Variants in RNF126 observed in about 807,000 individuals in gnomAD.
The protein encoded by RNF126 is ring finger protein 126.
In RNF126, 20 loss-of-function variants were observed where a neutral mutation model predicts 41.9. The ratio of observed to expected loss-of-function variants is 0.48; its 90% CI spans 0.34 to 0.69. The LOEUF (loss-of-function observed/expected upper bound fraction) is 0.69. Among genes scored for constraint, RNF126 ranks in the 30% least tolerant of loss-of-function variants. The pLI is 0.01. For synonymous variants in RNF126, 239 were observed against 202.9 expected, an observed-to-expected ratio of 1.18 and a Z score of -1.51; for missense variants, 433 against 460.6, an observed-to-expected ratio of 0.94 and a Z score of 0.55.
intron 1 of RNF126, among the ~76,000 whole-genome samples, chr19:660,281 GC>G (rs2030740794): frequency 6.6e-6 from 1 of 152,254 alleles, no homozygotes; most frequent in South Asian, 2.1e-4. Flanking sequence ...GGCCAAGGCT[GC>G]CCAGCAGAGA....
intron 3 of RNF126, 44 bp downstream of exon 3, chr19:652,189 G>C (rs1281970720): frequency 6.8e-7 from 1 of 1,465,298 alleles, no homozygotes; most frequent in East Asian, 2.6e-5. Context: ...GGGGCCCCGA[G>C]CAAGGCTGAC....
chr19:648,196 A>G lies in RNF126; in HGVS notation c.868T>C (p.Phe290Leu), dbSNP rs772925012. The change falls in exon 9 of 9, where the codon TTC becomes CTC. Residue 290 changes from phenylalanine (F) to leucine (L), a missense_variant. This residue lies in a region of RNF126 where 63 missense variants were observed against 47.9 expected (regional missense o/e 1.32). Transcript: ENST00000292363. ...GAGGACGATGACGACGAGGAGGAGA[A>G]GCTCACCCCAGTGAGGCCAGGGGGG... ...TNPPGLTGVS[F>L]SSSSSSSSSS... 6 of 1,606,462 alleles carry G rather than the reference A, an allele frequency of 3.7e-6. No homozygotes were observed. The highest frequency in any genetic ancestry group is 1.7e-4 in the Middle Eastern group (1 of 6,042).
chr19:654,208 C>CA (rs373019907), intron 1 of RNF126, among the ~76,000 whole-genome samples: 7 of 152,178 alleles, frequency 4.6e-5, no homozygotes, highest in African/African-American at 1.7e-4. Context: ...GGTGAGCAAA[C>CA]GATGCCAGAT....
chr19:660,222 C>T (rs1033092448), intron 1 of RNF126, among the ~76,000 whole-genome samples: 3 of 152,238 alleles, frequency 2.0e-5, no homozygotes, highest in African/African-American at 7.2e-5. Flanking sequence ...CCAGATGCCA[C>T]GGGGAGCGAA....
At chr19:662,803 G>C (rs924427781) in intron 1 of RNF126, among the ~76,000 whole-genome samples, 1 of 152,056 alleles carries the variant, frequency 6.6e-6, no homozygotes, top group African/African-American at 2.4e-5. Context: ...CCGCTGCGCC[G>C]CTCCGGCCAG....
At chr19:650,341 C>A (rs987176629) in intron 4 of RNF126, 45 bp from the exon 5 acceptor site, 2 of 1,541,974 alleles carry the variant, frequency 1.3e-6, no homozygotes, top group South Asian at 1.2e-5. Flanking sequence ...GCCCCACGCA[C>A]AGGAGAGGCG....
At chr19:663,005 C>T (rs2030876918) in intron 1 of RNF126, 42 bp downstream of exon 1, 5 of 1,136,412 alleles carry the variant, frequency 4.4e-6, no homozygotes, top group South Asian at 2.2e-5. Flanking sequence ...CTCAGGCCTG[C>T]GGCGCAGACC....
chr19:651,518 C>T lies in RNF126; in HGVS notation c.443+93G>A. The T allele has an allele frequency of 7.8e-6, 10 of 1,276,974 alleles. No homozygotes were observed. In the South Asian group the frequency reaches 1.7e-4, roughly 21 times the overall value. The allele number at this position is 1,276,974 out of a possible 1,614,324, so 79.1% of individuals were successfully genotyped here. ...TCTCCAGAGAGCCTATGGATGATGC[C>T]ACGTTTCCGTGGAACCCGTGCTGGA... is the stretch of plus-strand genomic sequence containing the variant. On this transcript the variant is annotated intron_variant, in intron 4 of 8. Transcript: ENST00000292363.
chr19:652,346 C>G lies in RNF126; in HGVS notation c.135-50G>C, dbSNP rs371414624. On this transcript the variant is annotated intron_variant, in intron 2 of 8. Transcript: ENST00000292363. Reference sequence around the variant, plus strand: ...GTGCCGGCTACCCTGTGCCCCCATGCGCCAGGCGCTCCCTCCCCTCAAAAG... The same window carrying G: ...GTGCCGGCTACCCTGTGCCCCCATGGGCCAGGCGCTCCCTCCCCTCAAAAG... 3 of 1,447,734 alleles carry G rather than the reference C, an allele frequency of 2.1e-6. No individual in the cohort carries two copies. In the East Asian group the frequency reaches 7.5e-5, roughly 36 times the overall value. 89.7% of individuals were successfully genotyped at this position (1,447,734 alleles called of 1,614,324 possible). A position where few individuals can be genotyped will look rare whatever the true frequency, so the allele number is the denominator to read the frequency against.
chr19:662,229 G>A (rs967184564), intron 1 of RNF126, among the ~76,000 whole-genome samples: 1 of 152,230 alleles, frequency 6.6e-6, no homozygotes, highest in Admixed American at 6.5e-5. Flanking sequence ...AAAGGGGCCT[G>A]GAAATAGCAC....
intron 4 of RNF126, 57 bp downstream of exon 4, chr19:651,554 C>T (rs949852231): frequency 3.6e-6 from 5 of 1,374,896 alleles, no homozygotes; most frequent in Non-Finnish European, 4.7e-6. Context: ...TTCTAAGCGC[C>T]AGAACTTCCG....
chr19:656,301 G>C (rs1293918395), intron 1 of RNF126, among the ~76,000 whole-genome samples: 5 of 151,980 alleles, frequency 3.3e-5, no homozygotes, highest in African/African-American at 1.2e-4. Flanking sequence ...AGTGAGCCAA[G>C]ATTGCAGCAA....
At chr19:658,506 G>A (rs887328195) in intron 1 of RNF126, among the ~76,000 whole-genome samples, 10 of 152,082 alleles carry the variant, frequency 6.6e-5, no homozygotes, top group Admixed American at 6.5e-4. Context: ...GCTGGCTACT[G>A]TTTTCCTAAA....
chr19:652,389 G>A, intron 2 of RNF126, 93 bp from the exon 3 acceptor site: 2 of 1,164,366 alleles, frequency 1.7e-6, no homozygotes, highest in South Asian at 1.4e-5. Flanking sequence ...TGGGAGAGCA[G>A]GAATTGTCCT....
Position 663,150 on chromosome 19 carries a change from GCC to G in RNF126, c.-31_-30del. On this transcript the variant is annotated 5_prime_UTR_variant, in exon 1 of 9. Coordinates refer to ENST00000292363, the MANE Select transcript of RNF126 (RefSeq NM_194460.3). ...CGCCGCCACCTACTCCGCGCCGCCCGCCCCCCGCGCGGCACCCGCCGCCGGCC... is the reference window on the plus strand; with the variant it reads ...CGCCGCCACCTACTCCGCGCCGCCCGCCCCGCGCGGCACCCGCCGCCGGCC... 8.8e-7 allele frequency: 1 copy of G among 1,134,120 alleles called. No individual in the cohort carries two copies. Among genetic ancestry groups the G allele is most frequent in the Non-Finnish European group, 1.1e-6 (1 of 913,990 alleles). The allele number at this position is 1,134,120 out of a possible 1,614,324, so 70.3% of individuals were successfully genotyped here. A position where few individuals can be genotyped will look rare whatever the true frequency, so the allele number is the denominator to read the frequency against.
intron 1 of RNF126, among the ~76,000 whole-genome samples, chr19:657,056 T>C (rs989886659): frequency 1.3e-5 from 2 of 152,190 alleles, no homozygotes; most frequent in African/African-American, 2.4e-5. Flanking sequence ...ACAGCTGCAC[T>C]GGCCCCCACT....
intron 1 of RNF126, among the ~76,000 whole-genome samples, chr19:656,392 A>AC (rs1425805995): frequency 1.3e-5 from 2 of 152,072 alleles, no homozygotes; most frequent in Admixed American, 1.3e-4. Context: ...AGTGGCTCAC[A>AC]CCTGTAATCC....
At chr19:654,336 G>A (rs754247452) in intron 1 of RNF126, among the ~76,000 whole-genome samples, 8 of 152,160 alleles carry the variant, frequency 5.3e-5, no homozygotes, top group East Asian at 1.9e-4. Flanking sequence ...CACGCCCCAC[G>A]AATTCTCGGC....
chr19:662,854 G>A (rs1225933121), intron 1 of RNF126, among the ~76,000 whole-genome samples, 193 bp downstream of exon 1: 6 of 152,064 alleles, frequency 3.9e-5, no homozygotes, highest in Non-Finnish European at 7.4e-5. Context: ...CGCATGTACA[G>A]GACGGGGTTC....
Sources: gnomAD v4.1 joint callset for allele counts (sites outside exome capture counted in the v4.1 genomes callset) on GRCh38, gnomAD v4.1.1 for gene constraint, gnomAD v4.1.1 regional missense constraint, MANE v1.5 for transcripts, NCBI Gene and HGNC (gene_info 2026-07-23, HGNC 2026-07-21) for gene names.